Variants in ANKRD30A observed in about 807,000 individuals in gnomAD.
ANKRD30A encodes ankyrin repeat domain 30A.
A neutral mutation model predicts 166.3 loss-of-function variants in ANKRD30A; 170 were observed. The observed-to-expected ratio is 1.02, with a 90% CI of 0.90 to 1.16. The LOEUF is 1.16. Among genes scored for constraint, ANKRD30A ranks in the 50% most tolerant of loss-of-function variants. The probability of loss-of-function intolerance (pLI) is 0.00; values close to 1 mark genes in which losing one functional copy is unlikely to be tolerated. For missense variants in ANKRD30A, 1,630 were observed against 1,518.0 expected, an observed-to-expected ratio of 1.07 and a Z score of -1.23; for synonymous variants, 564 against 508.9, an observed-to-expected ratio of 1.11 and a Z score of -1.46.
At chr10:37,189,693 TA>T in intron 25 of ANKRD30A, 136 bp downstream of exon 25, 1 of 612,824 alleles carries the variant, frequency 1.6e-6, no homozygotes, top group Non-Finnish European at 2.6e-6. Context: ...GCAATGGTCA[TA>T]AGCTATGTGT....
At chr10:37,250,478 A>C in the ANKRD30A span, among the ~76,000 whole-genome samples, 1 of 152,100 alleles carries the variant, frequency 6.6e-6, no homozygotes, top group Non-Finnish European at 1.5e-5. Context: ...GGTTCAGGAC[A>C]CTGAGCACCC....
intron 21 of ANKRD30A, among the ~76,000 whole-genome samples, chr10:37,172,523 T>C (rs1588860803): frequency 7.2e-6 from 1 of 139,610 alleles, no homozygotes; most frequent in South Asian, 2.3e-4. Context: ...TCTACAGAGT[T>C]AGAGGTTTTT....
At chr10:37,193,584 A>G (rs1840783512) in intron 27 of ANKRD30A, among the ~76,000 whole-genome samples, 1 of 152,028 alleles carries the variant, frequency 6.6e-6, no homozygotes, top group Admixed American at 6.6e-5. Context: ...CAGTGGTTCA[A>G]AGGCTGATTG....
the ANKRD30A span, among the ~76,000 whole-genome samples, chr10:37,261,155 G>A: frequency 4.6e-5 from 7 of 152,122 alleles, no homozygotes; most frequent in Non-Finnish European, 8.8e-5. Flanking sequence ...AGGCTTCTCC[G>A]TGCAGGTTTA....
At position 37,197,392 on chromosome 10, in the gene ANKRD30A, T is replaced by C; in HGVS notation, c.2644-16T>C. On this transcript the variant is annotated splice_polypyrimidine_tract_variant and intron_variant, in intron 28 of 35. Coordinates refer to ENST00000361713, the MANE Select transcript of ANKRD30A (RefSeq NM_052997.3). ...ATACATTCTTTATTAATCATTTTGC[T>C]TCCAACCCCATTTAGCCTGCCATTG... 1 of 1,612,640 alleles carries C rather than the reference T, an allele frequency of 6.2e-7. No homozygotes were observed. The highest frequency in any genetic ancestry group is 2.2e-5 in the East Asian group (1 of 44,848).
intron 15 of ANKRD30A, among the ~76,000 whole-genome samples, chr10:37,159,732 A>C (rs1329215189): frequency 6.6e-6 from 1 of 151,028 alleles, no homozygotes; most frequent in African/African-American, 2.4e-5. Context: ...TTTTTTTGAG[A>C]TCACCCAGGC....
At chr10:37,242,577 T>C in the ANKRD30A span, among the ~76,000 whole-genome samples, 1 of 152,158 alleles carries the variant, frequency 6.6e-6, no homozygotes, top group African/African-American at 2.4e-5. Context: ...TCAAAGCTTT[T>C]TCTTTGGAGA....
At chr10:37,228,941 G>T (rs956904056) in intron 34 of ANKRD30A, among the ~76,000 whole-genome samples, 1 of 151,924 alleles carries the variant, frequency 6.6e-6, no homozygotes, top group African/African-American at 2.4e-5. Flanking sequence ...TAATTAATCT[G>T]CCATTTGGGA....
At chr10:37,166,808 A>G in intron 19 of ANKRD30A, 113 bp downstream of exon 19, 3 of 1,419,148 alleles carry the variant, frequency 2.1e-6, no homozygotes, top group Admixed American at 2.7e-5. Flanking sequence ...AAACCATGGA[A>G]AAAAAGAGAA....
intron 13 of ANKRD30A, 62 bp from the exon 14 acceptor site, chr10:37,158,330 A>C: frequency 6.4e-7 from 1 of 1,557,302 alleles, no homozygotes; most frequent in Non-Finnish European, 8.8e-7. Flanking sequence ...ACACTGTGTG[A>C]ATGTTCGGTA....
downstream of ANKRD30A, among the ~76,000 whole-genome samples, chr10:37,234,014 T>G (rs1177702139): frequency 2.0e-5 from 3 of 152,218 alleles, no homozygotes; most frequent in African/African-American, 7.2e-5. Flanking sequence ...TTTGAAGGAC[T>G]ATCTTATACA....
Position 37,219,193 on chromosome 10 carries a change from G to A in ANKRD30A, c.3481G>A (p.Ala1161Thr), listed in dbSNP as rs368559588. Reference sequence around the variant, plus strand: ...GAAAGAGGAATCATTAACTAAAAGGGCATCTCAATATAGTGGGCAGCTTAA... The same window carrying A: ...GAAAGAGGAATCATTAACTAAAAGGACATCTCAATATAGTGGGCAGCTTAA... ...KLKEESLTKRASQYSGQLKVL... is the reference protein window; with the variant it reads ...KLKEESLTKRTSQYSGQLKVL... The change falls in exon 34 of 36, where the codon GCA becomes ACA. Residue 1161 changes from alanine to threonine, a missense_variant. Ala to Thr is a moderately conservative substitution (Grantham distance 58). Around this residue, in one of 4 missense-constraint regions of ANKRD30A, gnomAD observed 712 missense variants for 629.3 expected, o/e 1.13. Transcript: ENST00000361713. 22 of 1,610,580 alleles carry A rather than the reference G, an allele frequency of 1.4e-5. No homozygotes were observed. Among genetic ancestry groups the A allele is most frequent in the South Asian group, 1.2e-4 (11 of 90,998 alleles).
chr10:37,132,198 T>A (rs371728796), intron 3 of ANKRD30A, 42 bp from the exon 4 acceptor site: 1 of 1,382,272 alleles, frequency 7.2e-7, no homozygotes, highest in Non-Finnish European at 1.0e-6. Context: ...AGCTGAGAAA[T>A]ATGTAATTTC....
intron 1 of ANKRD30A, among the ~76,000 whole-genome samples, chr10:37,126,797 C>T (rs1836047792): frequency 6.6e-6 from 1 of 151,962 alleles, no homozygotes; most frequent in Non-Finnish European, 1.5e-5. Flanking sequence ...CCTGTGATCC[C>T]AACACTTTGG....
At chr10:37,196,091 C>CTTT (rs1554823840) in intron 27 of ANKRD30A, among the ~76,000 whole-genome samples, 3 of 115,618 alleles carry the variant, frequency 2.6e-5, no homozygotes, top group African/African-American at 9.2e-5. Flanking sequence ...TTTATATTTT[C>CTTT]TATTTTTTTT....
intron 29 of ANKRD30A, among the ~76,000 whole-genome samples, chr10:37,199,004 G>A (rs1283836923): frequency 1.3e-5 from 2 of 152,052 alleles, no homozygotes; most frequent in East Asian, 1.9e-4. Flanking sequence ...ATGTGGGAAC[G>A]TTGGATTACT....
At chr10:37,242,222 T>C in the ANKRD30A span, among the ~76,000 whole-genome samples, 5 of 152,202 alleles carry the variant, frequency 3.3e-5, no homozygotes, top group African/African-American at 4.8e-5. Flanking sequence ...TGTTCTTCAA[T>C]TGAGTTTTTG....
At chr10:37,156,315 T>A (rs951967331) in intron 13 of ANKRD30A, among the ~76,000 whole-genome samples, 1 of 152,112 alleles carries the variant, frequency 6.6e-6, no homozygotes, top group Non-Finnish European at 1.5e-5. Flanking sequence ...TCTTTCGAGC[T>A]ATGCCATGTG....
chr10:37,264,830 G>A, the ANKRD30A span, among the ~76,000 whole-genome samples: 2 of 152,158 alleles, frequency 1.3e-5, no homozygotes, highest in African/African-American at 4.8e-5. Context: ...CCAATCCACA[G>A]AAATGGCATT....
Sources: allele counts gnomAD v4.1 joint callset (sites outside exome capture counted in the v4.1 genomes callset), GRCh38; gene constraint gnomAD v4.1.1; regional missense constraint gnomAD v4.1.1; transcripts MANE v1.5; gene names NCBI Gene and HGNC (gene_info 2026-07-23, HGNC 2026-07-21).